SYNPR: variants seen among roughly 807,000 people sequenced by gnomAD.
The protein encoded by SYNPR is synaptoporin.
In SYNPR, 23 loss-of-function variants were observed where a neutral mutation model predicts 32.9. The ratio of observed to expected loss-of-function variants is 0.70; its 90% CI spans 0.50 to 0.99. The LOEUF (loss-of-function observed/expected upper bound fraction) is 0.99. SYNPR is among the 50% of genes least tolerant of loss of function. The pLI is 0.00. For synonymous variants in SYNPR, 146 were observed against 135.9 expected, an observed-to-expected ratio of 1.07 and a Z score of -0.52; for missense variants, 318 against 349.3, an observed-to-expected ratio of 0.91 and a Z score of 0.71.
At chr3:63,563,867 G>C (rs1575713138) in intron 4 of SYNPR, among the ~76,000 whole-genome samples, 1 of 151,154 alleles carries the variant, frequency 6.6e-6, no homozygotes, top group Non-Finnish European at 1.5e-5. Flanking sequence ...TCTGTGCTGT[G>C]GACTTGTCAT....
chr3:63,523,642 C>G (rs941194546), intron 3 of SYNPR, among the ~76,000 whole-genome samples: 1 of 152,108 alleles, frequency 6.6e-6, no homozygotes, highest in African/African-American at 2.4e-5. Flanking sequence ...ACTCATGCTT[C>G]TTGGGGATGT....
At chr3:63,509,208 TGTATATACATATGTATGG>T (rs1276502929) in intron 3 of SYNPR, among the ~76,000 whole-genome samples, 1 of 151,004 alleles carries the variant, frequency 6.6e-6, no homozygotes, top group Non-Finnish European at 1.5e-5. Flanking sequence ...TATATGTATG[TGTATATACATATGTATGG>T]GTATATCTAT....
At chr3:63,606,876 G>T (rs1176473357) in intron 4 of SYNPR, among the ~76,000 whole-genome samples, 1 of 152,078 alleles carries the variant, frequency 6.6e-6, no homozygotes, top group Non-Finnish European at 1.5e-5. Flanking sequence ...ACTGTAAAAT[G>T]GGGTCAGGAT....
chr3:63,259,669 AG>A (rs1417395183), intron 2 of SYNPR, among the ~76,000 whole-genome samples: 11 of 152,212 alleles, frequency 7.2e-5, no homozygotes, highest in Admixed American at 6.5e-4. Flanking sequence ...GGTACAAGAC[AG>A]GGATGCCCTC....
intron 3 of SYNPR, among the ~76,000 whole-genome samples, chr3:63,507,896 A>G (rs1204090824): frequency 6.6e-6 from 1 of 152,110 alleles, no homozygotes; most frequent in Non-Finnish European, 1.5e-5. Flanking sequence ...CCATGGATAT[A>G]AGTCACAGGT....
chr3:63,512,809 T>A (rs1189198845), intron 3 of SYNPR, among the ~76,000 whole-genome samples: 1 of 152,186 alleles, frequency 6.6e-6, no homozygotes, highest in Non-Finnish European at 1.5e-5. Flanking sequence ...AGTAAATGTA[T>A]GCTTTTTTAA....
chr3:63,551,991 G>A (rs1260737494), intron 3 of SYNPR, among the ~76,000 whole-genome samples: 10 of 151,952 alleles, frequency 6.6e-5, no homozygotes, highest in Non-Finnish European at 1.0e-4. Context: ...TCTGCCTCCC[G>A]GGTTCAAGTG....
upstream of SYNPR, among the ~76,000 whole-genome samples, chr3:63,276,620 T>TCCCCCCCCCCCCCCC (rs11398109): frequency 7.0e-6 from 1 of 142,036 alleles, no homozygotes; most frequent in Non-Finnish European, 1.5e-5. Context: ...TAGTGTTAGT[T>TCCCCCCCCCCCCCCC]CCCCCCACCC....
At chr3:63,376,751 A>T (rs571251505) in intron 2 of SYNPR, among the ~76,000 whole-genome samples, 2 of 152,108 alleles carry the variant, frequency 1.3e-5, no homozygotes, top group Admixed American at 1.3e-4. Context: ...TGATTGTCTC[A>T]TCTGGAGTAG....
Position 63,589,284 on chromosome 3 carries a change from A to C in SYNPR, c.409-19841A>C, listed in dbSNP as rs557243557. 2.6e-5 allele frequency among the ~76,000 whole-genome samples: 4 copies of C among 152,214 alleles called. No homozygotes were observed. In the East Asian group the frequency reaches 5.8e-4, roughly 22 times the overall value. ...CCAGATATTGTTTTTTTAAATTTCC[A>C]AAACACCAAGGACTTTTCCTACAAA... On this transcript the variant is annotated intron_variant, in intron 4 of 5. Transcript: ENST00000478300.
chr3:63,206,900 C>A, the SYNPR span, among the ~76,000 whole-genome samples: 2 of 152,138 alleles, frequency 1.3e-5, no homozygotes, highest in African/African-American at 4.8e-5. Flanking sequence ...GAATCTGGGG[C>A]TGTGCCTGGA....
At chr3:63,571,373 G>A (rs991896643) in intron 4 of SYNPR, among the ~76,000 whole-genome samples, 1 of 152,098 alleles carries the variant, frequency 6.6e-6, no homozygotes, top group Non-Finnish European at 1.5e-5. Context: ...TTTAAAATAG[G>A]TATTAATCAT....
intron 2 of SYNPR, among the ~76,000 whole-genome samples, chr3:63,283,623 CTTTTTT>C (rs10650958): frequency 1.6e-4 from 18 of 111,530 alleles, no homozygotes; most frequent in Non-Finnish European, 5.2e-5. Context: ...ACAGATAATT[CTTTTTT>C]TTTTTTTTTT....
intron 2 of SYNPR, among the ~76,000 whole-genome samples, chr3:63,392,820 T>C (rs1021883497): frequency 2.6e-5 from 4 of 152,290 alleles, no homozygotes; most frequent in Non-Finnish European, 4.4e-5. Context: ...GATTTTTGGA[T>C]AAATTATTTT....
rs1450175966 is a variant in SYNPR, at chr3:63,244,013, C to T, written n.67-8486C>T. 3.9e-5 allele frequency among the ~76,000 whole-genome samples: 6 copies of T among 152,010 alleles called. No homozygotes were observed. In the East Asian group the frequency reaches 9.7e-4, roughly 24 times the overall value. On this transcript the variant is annotated intron_variant and non_coding_transcript_variant, in intron 1 of 4. Coordinates refer to the SYNPR transcript ENST00000478456. ...TATTTCAAACCAAAGGAATCTAATA[C>T]AAGGACTTGCTTACAAAGGTAATAG...
chr3:63,305,472 T>A (rs950194478), intron 2 of SYNPR, among the ~76,000 whole-genome samples: 16 of 152,086 alleles, frequency 1.1e-4, no homozygotes, highest in Admixed American at 7.2e-4. Context: ...AATTGAAAGC[T>A]TGTTGAATAT....
intron 4 of SYNPR, among the ~76,000 whole-genome samples, chr3:63,587,959 C>T (rs1703220742): frequency 6.6e-6 from 1 of 151,966 alleles, no homozygotes; most frequent in Admixed American, 6.6e-5. Flanking sequence ...AAAAAATTTC[C>T]CATAGAACAT....
the SYNPR span, among the ~76,000 whole-genome samples, chr3:63,206,447 G>A: frequency 2.0e-5 from 3 of 152,136 alleles, no homozygotes; most frequent in Non-Finnish European, 2.9e-5. Context: ...TGTAGTCCCA[G>A]CTACTTGGGA....
chr3:63,580,498 C>T (rs906843038), intron 4 of SYNPR, among the ~76,000 whole-genome samples: 1 of 152,114 alleles, frequency 6.6e-6, no homozygotes, highest in African/African-American at 2.4e-5. Flanking sequence ...TCAAGGGAGA[C>T]ATTCAGCTGG....
Sources: allele counts gnomAD v4.1 joint callset (sites outside exome capture counted in the v4.1 genomes callset), GRCh38; gene constraint gnomAD v4.1.1; transcripts MANE v1.5; gene names NCBI Gene and HGNC (gene_info 2026-07-23, HGNC 2026-07-21).